Variants in SH3KBP1 observed in about 807,000 individuals in gnomAD.
The protein encoded by SH3KBP1 is SH3 domain-containing kinase-binding protein 1.
A neutral mutation model predicts 50.1 loss-of-function variants in SH3KBP1; 8 were observed. The observed-to-expected ratio is 0.16, with a 90% CI of 0.09 to 0.29. The LOEUF (loss-of-function observed/expected upper bound fraction) is 0.29. SH3KBP1 is among the 10% of genes least tolerant of loss of function. The probability of loss-of-function intolerance (pLI) is 1.00; values close to 1 mark genes in which losing one functional copy is unlikely to be tolerated. For missense variants in SH3KBP1, 377 were observed against 535.2 expected, an observed-to-expected ratio of 0.70 and a Z score of 2.92; for synonymous variants, 227 against 218.6, an observed-to-expected ratio of 1.04 and a Z score of -0.34.
chrX:19,673,854 C>A (rs1305962437), intron 6 of SH3KBP1, among the ~76,000 whole-genome samples: 1 of 111,447 alleles, frequency 9.0e-6, no homozygotes, highest in African/African-American at 3.3e-5. Flanking sequence ...ACCACCACAG[C>A]CCCTGCACCC....
At chrX:19,686,979 G>C (rs1384652094) in intron 5 of SH3KBP1, among the ~76,000 whole-genome samples, 1 of 112,058 alleles carries the variant, frequency 8.9e-6, no homozygotes, top group African/African-American at 3.2e-5. Context: ...ACACTCACAT[G>C]GATGGAGCTC....
intron 3 of SH3KBP1, among the ~76,000 whole-genome samples, chrX:19,744,529 A>C (rs966866891): frequency 8.9e-6 from 1 of 111,982 alleles, no homozygotes; most frequent in African/African-American, 3.2e-5. Context: ...CCTCGGACAG[A>C]ATGAAGATGA....
chrX:19,635,267 C>A (rs1378914818), intron 7 of SH3KBP1, among the ~76,000 whole-genome samples: 3 of 111,211 alleles, frequency 2.7e-5, no homozygotes, highest in Admixed American at 9.5e-5. Flanking sequence ...ATGTCCTTTG[C>A]AGGGACATGG....
At chrX:19,588,895 ATT>A in intron 11 of SH3KBP1, 93 bp from the exon 12 acceptor site, 1 of 739,260 alleles carries the variant, frequency 1.4e-6, no homozygotes, top group Non-Finnish European at 1.9e-6. Flanking sequence ...AAAAAAAAAA[ATT>A]ACTGATGCTA....
intron 1 of SH3KBP1, among the ~76,000 whole-genome samples, chrX:19,844,984 G>C (rs1415580180): frequency 1.8e-5 from 2 of 111,419 alleles, no homozygotes; most frequent in Non-Finnish European, 3.8e-5. Flanking sequence ...GGAGGCTAAG[G>C]CAGAGAATTG....
At chrX:19,778,035 C>T (rs898873011) in intron 2 of SH3KBP1, among the ~76,000 whole-genome samples, 3 of 111,477 alleles carry the variant, frequency 2.7e-5, no homozygotes, top group African/African-American at 6.5e-5. Context: ...CCTTCATATC[C>T]TACTCCTCCA....
intron 6 of SH3KBP1, among the ~76,000 whole-genome samples, chrX:19,671,593 G>A (rs181409338): frequency 1.3e-4 from 15 of 111,820 alleles, no homozygotes; most frequent in African/African-American, 4.9e-4. Context: ...AATCTAGAGC[G>A]CAGTGGTTAA....
chrX:19,650,645 G>C (rs2062101882), intron 6 of SH3KBP1, among the ~76,000 whole-genome samples: 1 of 112,520 alleles, frequency 8.9e-6, no homozygotes, highest in South Asian at 3.6e-4. Flanking sequence ...CAGCTGCTAA[G>C]ACACAAGATA....
chrX:19,780,129 C>T (rs1444561279), intron 2 of SH3KBP1, among the ~76,000 whole-genome samples: 1 of 108,640 alleles, frequency 9.2e-6, no homozygotes, highest in Non-Finnish European at 1.9e-5. Context: ...TTAATGATTG[C>T]CATTCTAACT....
intron 2 of SH3KBP1, among the ~76,000 whole-genome samples, chrX:19,759,143 C>T (rs1324351170): frequency 8.9e-6 from 1 of 111,799 alleles, no homozygotes; most frequent in Non-Finnish European, 1.9e-5. Flanking sequence ...ACATTTAATG[C>T]TCACAACCAC....
At position 19,534,389 on chromosome X, in the gene SH3KBP1, T is replaced by C. The variant is rs1297060542; in HGVS notation, c.*2028A>G. 1 of 111,647 alleles carries C rather than the reference T, an allele frequency of 9.0e-6. No individual in the cohort carries two copies. The allele number at this position is 111,647 out of a possible 1,213,427, so 9.2% of individuals were successfully genotyped here. A position where few individuals can be genotyped will look rare whatever the true frequency, so the allele number is the denominator to read the frequency against. The stretch of plus-strand genomic sequence containing the variant: ...TACATTCCATGTTGCCAGTGTTCCA[T>C]GAGGGTGTTCCAACCGCTCAATTTC... On this transcript the variant is annotated 3_prime_UTR_variant, in exon 18 of 18. Coordinates refer to ENST00000397821, the MANE Select transcript of SH3KBP1 (RefSeq NM_031892.3).
rs2065812179 is a variant in SH3KBP1 at position 19,772,332 on chromosome X, G to A, written c.163-25891C>T. Among the ~76,000 whole-genome samples, 6 of 111,220 alleles carry A rather than the reference G, an allele frequency of 5.4e-5. No individual in the cohort carries two copies. The Admixed American group carries it at 5.8e-4, about 11-fold the overall frequency. ...CTGAAGAGTAATCTTTCAGTAAAGG[G>A]AGTTAGCACCACCTTTAACAGCTTT... On this transcript the variant is annotated intron_variant, in intron 2 of 17. Transcript: ENST00000397821.
intron 8 of SH3KBP1, among the ~76,000 whole-genome samples, chrX:19,626,174 A>G (rs1360508142): frequency 9.0e-6 from 1 of 111,027 alleles, no homozygotes; most frequent in Non-Finnish European, 1.9e-5. Flanking sequence ...AGTTAATTAA[A>G]TGTTCAACTG....
At chrX:19,867,817 C>T (rs760553946) in intron 1 of SH3KBP1, among the ~76,000 whole-genome samples, 132 of 110,334 alleles carry the variant, frequency 1.2e-3, no homozygotes, top group Non-Finnish European at 2.1e-3. Context: ...GACAAATTAG[C>T]GACTTAACCT....
chrX:19,814,922 C>T (rs1037935448), intron 2 of SH3KBP1, among the ~76,000 whole-genome samples: 1 of 111,863 alleles, frequency 8.9e-6, no homozygotes. Context: ...ACAGACAGGC[C>T]AAGTGATAAT....
intron 2 of SH3KBP1, among the ~76,000 whole-genome samples, chrX:19,779,709 A>G (rs904808874): frequency 1.0e-4 from 11 of 106,791 alleles, no homozygotes; most frequent in Non-Finnish European, 1.9e-4. Context: ...TAGTTGACTG[A>G]GAATGATGAT....
chrX:19,835,182 G>C (rs1470812853), intron 2 of SH3KBP1, among the ~76,000 whole-genome samples: 4 of 112,191 alleles, frequency 3.6e-5, no homozygotes, highest in Non-Finnish European at 5.6e-5. Flanking sequence ...TTAGAGACAG[G>C]GAGTGCTCTG....
intron 6 of SH3KBP1, among the ~76,000 whole-genome samples, chrX:19,678,237 A>G (rs2062972165): frequency 8.9e-6 from 1 of 111,978 alleles, no homozygotes; most frequent in Admixed American, 9.5e-5. Context: ...TCACAAAATA[A>G]AACATAATCT....
intron 3 of SH3KBP1, among the ~76,000 whole-genome samples, chrX:19,720,202 T>C (rs1217882268): frequency 9.0e-6 from 1 of 111,243 alleles, no homozygotes; most frequent in African/African-American, 3.3e-5. Context: ...AACGTCCCTC[T>C]GCTTTTCATC....
Sources: gnomAD v4.1 joint callset for allele counts (sites outside exome capture counted in the v4.1 genomes callset) on GRCh38, gnomAD v4.1.1 for gene constraint, MANE v1.5 for transcripts, NCBI Gene and HGNC (gene_info 2026-07-23, HGNC 2026-07-21) for gene names.